RANBP17: variants seen among roughly 807,000 people sequenced by gnomAD.
RANBP17 encodes ran-binding protein 17.
RANBP17 carries 158 observed loss-of-function variants against 141.2 expected under a neutral mutation model. That is an observed-to-expected ratio of 1.12 (90% CI 0.98 to 1.28). RANBP17 has a LOEUF of 1.28. Ranked by LOEUF, RANBP17 falls within the 50% of genes most tolerant of loss-of-function variation. The pLI, the probability that RANBP17 is intolerant of heterozygous loss-of-function variation, is 0.00. For missense variants in RANBP17, 1,438 were observed against 1,290.7 expected (o/e 1.11, Z -1.75); for synonymous variants, 430 against 450.0 (o/e 0.96, Z 0.56).
intron 25 of RANBP17, among the ~76,000 whole-genome samples, chr5:171,280,795 G>A (rs1032650022): frequency 2.5e-4 from 38 of 152,326 alleles, no homozygotes; most frequent in African/African-American, 9.1e-4. Flanking sequence ...GGCACGCTTA[G>A]AAGAATATAG....
At chr5:171,247,634 T>A (rs1561798019) in intron 24 of RANBP17, among the ~76,000 whole-genome samples, 1 of 152,178 alleles carries the variant, frequency 6.6e-6, no homozygotes, top group Non-Finnish European at 1.5e-5. Flanking sequence ...ATCCATCCAT[T>A]CTCTGCCCAC....
intron 3 of RANBP17, among the ~76,000 whole-genome samples, chr5:170,886,924 A>G (rs1480447303): frequency 1.3e-5 from 2 of 151,928 alleles, no homozygotes; most frequent in Non-Finnish European, 2.9e-5. Context: ...CAGCCTCCCA[A>G]AGTGCTGGGA....
At chr5:171,285,433 G>A (rs1261045889) in intron 25 of RANBP17, among the ~76,000 whole-genome samples, 1 of 152,202 alleles carries the variant, frequency 6.6e-6, no homozygotes, top group Non-Finnish European at 1.5e-5. Flanking sequence ...GGAGTTGAAA[G>A]TTGTTCCTCA....
chr5:170,984,139 A>G (rs1405480317), intron 14 of RANBP17, among the ~76,000 whole-genome samples: 1 of 152,202 alleles, frequency 6.6e-6, no homozygotes, highest in Non-Finnish European at 1.5e-5. Context: ...TAGCAGTCAC[A>G]TGCAGCCTAC....
chr5:170,937,290 A>G (rs377373981), intron 12 of RANBP17, among the ~76,000 whole-genome samples: 36 of 152,296 alleles, frequency 2.4e-4, no homozygotes, highest in African/African-American at 8.2e-4. Context: ...GTCAAGTCAG[A>G]CAGGTTTCTG....
chr5:171,123,209 C>T (rs1278139772), intron 14 of RANBP17, among the ~76,000 whole-genome samples: 1 of 152,174 alleles, frequency 6.6e-6, no homozygotes, highest in African/African-American at 2.4e-5. Flanking sequence ...CACCCATGTG[C>T]ACCACCAAGG....
intron 20 of RANBP17, among the ~76,000 whole-genome samples, chr5:171,208,403 C>T (rs1362770056): frequency 6.6e-6 from 1 of 152,120 alleles, no homozygotes; most frequent in African/African-American, 2.4e-5. Context: ...CTTCTTTGCC[C>T]CTATGATGGG....
In RANBP17 at chr5:171,250,328, C is replaced by T. The variant is rs143284447; in HGVS notation, c.2776+7508C>T. On this transcript the variant is annotated intron_variant, in intron 24 of 27. Transcript: ENST00000523189. ...AAAACACACAAGAGTTTAAAATTCA[C>T]TAGTAAAGCAATCACACAAAGAGAA... Among the ~76,000 whole-genome samples, 832 of 152,230 alleles carry T rather than the reference C, an allele frequency of 5.5e-3. 4 individuals carry two copies. The highest frequency in any genetic ancestry group is 9.5e-3 in the South Asian group (46 of 4,832).
chr5:171,246,682 G>A (rs1765234795), intron 24 of RANBP17, among the ~76,000 whole-genome samples: 1 of 152,182 alleles, frequency 6.6e-6, no homozygotes. Flanking sequence ...TTCAACATGT[G>A]ATCTTGTTAA....
At chr5:170,950,888 T>C (rs1775158841) in intron 12 of RANBP17, among the ~76,000 whole-genome samples, 1 of 152,138 alleles carries the variant, frequency 6.6e-6, no homozygotes, top group East Asian at 1.9e-4. Context: ...AGAATACCGT[T>C]AGGCCATAAG....
At chr5:171,143,393 C>A (rs1467800405) in intron 14 of RANBP17, 2 of 152,316 alleles carry the variant, frequency 1.3e-5, no homozygotes, top group African/African-American at 4.8e-5. Flanking sequence ...GGCAAGTTAT[C>A]TTCTCCTTCC....
At chr5:170,956,489 G>GA (rs1265945361) in intron 13 of RANBP17, among the ~76,000 whole-genome samples, 1 of 151,764 alleles carries the variant, frequency 6.6e-6, no homozygotes, top group Non-Finnish European at 1.5e-5. Context: ...TGAATTACTT[G>GA]AAAATATGAA....
chr5:171,053,918 TATATATAA>T (rs1561596648), intron 14 of RANBP17, among the ~76,000 whole-genome samples: 32 of 81,768 alleles, frequency 3.9e-4, no homozygotes, highest in Non-Finnish European at 5.4e-4. Flanking sequence ...TATATATATA[TATATATAA>T]TTGCTGTATT....
At chr5:171,088,895 G>T (rs546663441) in intron 14 of RANBP17, among the ~76,000 whole-genome samples, 1 of 151,738 alleles carries the variant, frequency 6.6e-6, no homozygotes, top group Non-Finnish European at 1.5e-5. Context: ...CAACTTCTTT[G>T]CCTTTGGTTT....
At chr5:170,944,053 C>T (rs1435838514) in intron 12 of RANBP17, among the ~76,000 whole-genome samples, 2 of 152,110 alleles carry the variant, frequency 1.3e-5, no homozygotes, top group East Asian at 1.9e-4. Flanking sequence ...ACACTCTGTT[C>T]CTATGTATTC....
intron 3 of RANBP17, among the ~76,000 whole-genome samples, chr5:170,891,826 A>G (rs977248216): frequency 6.6e-6 from 1 of 152,220 alleles, no homozygotes; most frequent in Non-Finnish European, 1.5e-5. Context: ...CAGGGACACA[A>G]ATCCAAACCA....
At chr5:170,896,167 G>A in intron 5 of RANBP17, 52 bp downstream of exon 5, 1 of 1,243,732 alleles carries the variant, frequency 8.0e-7, no homozygotes. Context: ...AAGTAATGCT[G>A]TTTCTTTTCT....
intron 12 of RANBP17, among the ~76,000 whole-genome samples, chr5:170,939,134 C>G (rs1455938606): frequency 6.6e-6 from 1 of 151,900 alleles, no homozygotes; most frequent in Non-Finnish European, 1.5e-5. Flanking sequence ...AATAACTGAG[C>G]AAAAATAACT....
At chr5:171,282,294 A>G (rs1461321714) in intron 25 of RANBP17, among the ~76,000 whole-genome samples, 2 of 152,214 alleles carry the variant, frequency 1.3e-5, no homozygotes, top group Non-Finnish European at 2.9e-5. Context: ...GTTATGTGCT[A>G]TAGGCCAAGG....
Sources: allele counts gnomAD v4.1 joint callset (sites outside exome capture counted in the v4.1 genomes callset), GRCh38; gene constraint gnomAD v4.1.1; transcripts MANE v1.5; gene names NCBI Gene and HGNC (gene_info 2026-07-23, HGNC 2026-07-21).